SPARC: variants seen among roughly 807,000 people sequenced by gnomAD.
SPARC encodes the protein secreted protein acidic and cysteine rich, also known as basement-membrane protein 40.
SPARC carries 23 observed loss-of-function variants against 37.7 expected under a neutral mutation model. The ratio of observed to expected loss-of-function variants is 0.61; its 90% CI spans 0.44 to 0.87. The LOEUF is 0.87. Ranked by LOEUF, SPARC falls within the 40% of genes least tolerant of loss-of-function variation. The pLI is 0.00. For missense variants in SPARC, 312 were observed against 389.0 expected, an observed-to-expected ratio of 0.80 and a Z score of 1.66; for synonymous variants, 155 against 150.8, an observed-to-expected ratio of 1.03 and a Z score of -0.20.
intron 8 of SPARC, among the ~76,000 whole-genome samples, 163 bp downstream of exon 8, chr5:151,666,198 G>A (rs1760615114): frequency 6.6e-6 from 1 of 152,184 alleles, no homozygotes; most frequent in Admixed American, 6.5e-5. Flanking sequence ...CTTTGTCCCA[G>A]GTCCACATCT....
intron 1 of SPARC, among the ~76,000 whole-genome samples, chr5:151,685,422 T>TCACACACACACACACACACA (rs3033198): frequency 7.1e-6 from 1 of 140,430 alleles, no homozygotes; most frequent in African/African-American, 2.7e-5. Context: ...CCTCTCTCTC[T>TCACACACACACACACACACA]CACACACACA....
intron 8 of SPARC, 52 bp downstream of exon 8, chr5:151,666,309 T>C: frequency 1.3e-6 from 2 of 1,575,300 alleles, no homozygotes; most frequent in Non-Finnish European, 1.7e-6. Flanking sequence ...TGGCCATAGC[T>C]AGTGCACCTG....
chr5:151,670,442 C>A lies in SPARC; in HGVS notation c.331-658G>T, dbSNP rs113422266. ...AGAAACATCACTCACATGTGGCTGCCTCTTTGTAGCTGGGGTAAGAATGCA... is the reference window on the plus strand; with the variant it reads ...AGAAACATCACTCACATGTGGCTGCATCTTTGTAGCTGGGGTAAGAATGCA... On this transcript the variant is annotated intron_variant, in intron 5 of 9. Transcript: ENST00000231061. Among the ~76,000 whole-genome samples, 599 of 152,324 alleles carry A rather than the reference C, an allele frequency of 3.9e-3. 6 individuals carry two copies. Among genetic ancestry groups the A allele is most frequent in the African/African-American group, 0.014 (578 of 41,568 alleles).
chr5:151,665,950 C>T (rs1760610037), intron 8 of SPARC, among the ~76,000 whole-genome samples: 1 of 152,128 alleles, frequency 6.6e-6, no homozygotes, highest in Non-Finnish European at 1.5e-5. Context: ...TGGGGCTGAG[C>T]CTTAGGAGGG....
chr5:151,676,038 C>T (rs1760848723), intron 2 of SPARC, 94 bp downstream of exon 2: 11 of 1,021,056 alleles, frequency 1.1e-5, no homozygotes, highest in Non-Finnish European at 1.6e-5. Flanking sequence ...GGGGAAGTCC[C>T]TGTTCCCTTT....
chr5:151,678,999 G>C (rs1760924110), intron 1 of SPARC: 1 of 152,174 alleles, frequency 6.6e-6, no homozygotes, highest in African/African-American at 2.4e-5. Flanking sequence ...TGTCCATCCT[G>C]CAAAGCTAAT....
At chr5:151,665,389 G>A (rs1332182409) in intron 8 of SPARC, among the ~76,000 whole-genome samples, 7 of 152,100 alleles carry the variant, frequency 4.6e-5, no homozygotes, top group Admixed American at 6.5e-5. Flanking sequence ...AGAAGTGGCC[G>A]GGAGATTCCC....
At chr5:151,676,320 A>G in intron 1 of SPARC, 119 bp from the exon 2 acceptor site, 1 of 675,968 alleles carries the variant, frequency 1.5e-6, no homozygotes, top group South Asian at 1.8e-5. Flanking sequence ...GATAGTGAAA[A>G]ACATGAGGAG....
chr5:151,684,524 T>C (rs908887555), intron 1 of SPARC, among the ~76,000 whole-genome samples: 1 of 150,286 alleles, frequency 6.7e-6, no homozygotes, highest in Non-Finnish European at 1.5e-5. Context: ...ATAAACAATA[T>C]TATGATTTTA....
intron 5 of SPARC, among the ~76,000 whole-genome samples, chr5:151,671,050 A>C (rs769987208): frequency 5.3e-5 from 8 of 152,188 alleles, no homozygotes; most frequent in Non-Finnish European, 1.5e-5. Context: ...GAAGGGACAT[A>C]TTTGAGAGAT....
intron 9 of SPARC, 119 bp downstream of exon 9, chr5:151,663,968 C>T: frequency 8.3e-7 from 1 of 1,210,110 alleles, no homozygotes; most frequent in Non-Finnish European, 1.2e-6. Flanking sequence ...AGAGCAGAGA[C>T]AGGCAGAGAG....
chr5:151,679,866 T>TG (rs1760945540), intron 1 of SPARC: 1 of 152,178 alleles, frequency 6.6e-6, no homozygotes, highest in African/African-American at 2.4e-5. Flanking sequence ...TCATGGACTG[T>TG]GGGTCTCAGA....
At chr5:151,685,714 T>TG (rs1345762469) in intron 1 of SPARC, 1 of 152,152 alleles carries the variant, frequency 6.6e-6, no homozygotes, top group Non-Finnish European at 1.5e-5. Context: ...CACCAGCACT[T>TG]GGGGCGTATA....
intron 5 of SPARC, among the ~76,000 whole-genome samples, chr5:151,671,018 G>T (rs1760737304): frequency 6.6e-6 from 1 of 152,150 alleles, no homozygotes; most frequent in Admixed American, 6.5e-5. Context: ...TACTTGGACG[G>T]ATGGATGGAT....
intron 3 of SPARC, among the ~76,000 whole-genome samples, chr5:151,673,968 G>GTA (rs1760801165): frequency 8.3e-5 from 2 of 24,130 alleles, no homozygotes; most frequent in South Asian, 1.6e-3. Flanking sequence ...CCTTTCCTCT[G>GTA]TGTGTGTGTG....
chr5:151,673,311 C>T (rs1188182074), intron 3 of SPARC, 95 bp from the exon 4 acceptor site: 14 of 865,344 alleles, frequency 1.6e-5, no homozygotes, highest in Non-Finnish European at 2.8e-5. Flanking sequence ...AAAGCACAAA[C>T]GCAGGGTTGG....
chr5:151,666,069 T>C (rs906232178), intron 8 of SPARC, among the ~76,000 whole-genome samples: 1 of 152,194 alleles, frequency 6.6e-6, no homozygotes, highest in African/African-American at 2.4e-5. Flanking sequence ...AGCCTGGTAC[T>C]CCTTCTTAAT....
intron 8 of SPARC, 133 bp from the exon 9 acceptor site, chr5:151,664,368 TC>T: frequency 2.5e-6 from 2 of 792,400 alleles, no homozygotes; most frequent in Non-Finnish European, 4.1e-6. Context: ...AAAGCCAGAA[TC>T]CCAGGTCTAC....
intron 2 of SPARC, 132 bp downstream of exon 2, chr5:151,676,000 G>GAA: frequency 9.5e-5 from 59 of 619,174 alleles, no homozygotes; most frequent in Middle Eastern, 4.3e-4. Flanking sequence ...CCTAACTTAA[G>GAA]AAAAAAAAAA....
Sources: gnomAD v4.1 joint callset for allele counts (sites outside exome capture counted in the v4.1 genomes callset) on GRCh38, gnomAD v4.1.1 for gene constraint, MANE v1.5 for transcripts, NCBI Gene and HGNC (gene_info 2026-07-23, HGNC 2026-07-21) for gene names.